Variants in UMAD1 observed in about 807,000 individuals in gnomAD.
The protein encoded by UMAD1 is UBAP1-MVB12-associated (UMA)-domain containing protein 1.
In UMAD1, 8 loss-of-function variants were observed where a neutral mutation model predicts 6.1. The observed-to-expected ratio is 1.30, with a 90% CI of 0.76 to 2.35. The LOEUF is 2.35. UMAD1 is among the 30% of genes most tolerant of loss of function. The pLI is 0.00. For synonymous variants in UMAD1, 56 were observed against 31.4 expected, an observed-to-expected ratio of 1.78 and a Z score of -2.61; for missense variants, 130 against 78.4, an observed-to-expected ratio of 1.66 and a Z score of -2.49.
Position 7,827,137 on chromosome 7 carries a change from A to ATGTGTGTGTG in UMAD1, c.156+25395_156+25396insGTGTGTGTGT, listed in dbSNP as rs374866603. Among the ~76,000 whole-genome samples, 860 of 129,498 alleles carry ATGTGTGTGTG rather than the reference A, an allele frequency of 6.6e-3. 11 individuals are homozygous for ATGTGTGTGTG. The highest frequency in any genetic ancestry group is 0.018 in the African/African-American group (606 of 33,524). The allele number at this position is 129,498 out of a possible 152,430, so 85.0% of individuals were successfully genotyped here. On this transcript the variant is annotated intron_variant, in intron 3 of 3. Transcript: ENST00000682710. ...CACAGTCCAGGATATATATATATAT[A>ATGTGTGTGTG]TATATATATATGTGTGTGTGTGTGT...
chr7:7,866,665 G>A (rs1251268983), intron 3 of UMAD1, among the ~76,000 whole-genome samples: 6 of 152,288 alleles, frequency 3.9e-5, no homozygotes, highest in South Asian at 4.1e-4. Context: ...GGTTAACAGC[G>A]GATAGCTTGG....
chr7:7,852,632 G>A (rs1302652624), intron 3 of UMAD1, among the ~76,000 whole-genome samples: 3 of 152,104 alleles, frequency 2.0e-5, no homozygotes, highest in African/African-American at 7.2e-5. Flanking sequence ...AGAGATACAC[G>A]GGGTAAGGTC....
At chr7:7,642,343 G>A (rs1784993888) in intron 1 of UMAD1, among the ~76,000 whole-genome samples, 1 of 151,050 alleles carries the variant, frequency 6.6e-6, no homozygotes, top group African/African-American at 2.4e-5. Flanking sequence ...TTGTTCAGAT[G>A]GGGCCTCGCC....
intron 1 of UMAD1, among the ~76,000 whole-genome samples, chr7:7,663,548 A>G (rs1785530196): frequency 6.6e-6 from 1 of 152,204 alleles, no homozygotes; most frequent in Non-Finnish European, 1.5e-5. Flanking sequence ...ACTAATTAGT[A>G]GTCTAACTGA....
chr7:7,751,888 G>T (rs372334118), intron 2 of UMAD1, among the ~76,000 whole-genome samples: 2 of 152,056 alleles, frequency 1.3e-5, no homozygotes, highest in Non-Finnish European at 2.9e-5. Flanking sequence ...CTACTCTGAC[G>T]GTCCTTCTAT....
intron 3 of UMAD1, among the ~76,000 whole-genome samples, chr7:7,824,802 A>T (rs925356341): frequency 6.6e-4 from 100 of 152,144 alleles, no homozygotes; most frequent in Admixed American, 5.2e-3. Flanking sequence ...GGTAAATTTC[A>T]TCCTGTTAAA....
At chr7:7,849,641 G>T (rs1050875814) in intron 3 of UMAD1, among the ~76,000 whole-genome samples, 3 of 152,128 alleles carry the variant, frequency 2.0e-5, no homozygotes, top group Non-Finnish European at 4.4e-5. Flanking sequence ...ACATACAACA[G>T]AGTGGACAGG....
At chr7:7,741,741 A>G (rs1781472786) in intron 2 of UMAD1, among the ~76,000 whole-genome samples, 1 of 151,958 alleles carries the variant, frequency 6.6e-6, no homozygotes, top group African/African-American at 2.4e-5. Context: ...GCTAAAAACA[A>G]CTGTAGACTT....
chr7:7,681,935 T>C (rs1779922760), intron 2 of UMAD1, among the ~76,000 whole-genome samples: 1 of 152,126 alleles, frequency 6.6e-6, no homozygotes, highest in Non-Finnish European at 1.5e-5. Flanking sequence ...TATTATGTTA[T>C]AGCAAAAAGA....
At chr7:7,699,046 GT>G (rs1327860429) in intron 2 of UMAD1, among the ~76,000 whole-genome samples, 18 of 123,124 alleles carry the variant, frequency 1.5e-4, no homozygotes, top group African/African-American at 5.3e-4. Context: ...GTGTGTGTGT[GT>G]GTGGGGGGGG....
At chr7:7,648,781 A>T (rs2115547968) in intron 1 of UMAD1, among the ~76,000 whole-genome samples, 1 of 151,996 alleles carries the variant, frequency 6.6e-6, no homozygotes, top group African/African-American at 2.4e-5. Context: ...TGAGTTCAGG[A>T]GGTGGAGGTT....
At chr7:7,739,814 C>G (rs1022886077) in intron 2 of UMAD1, among the ~76,000 whole-genome samples, 3 of 152,162 alleles carry the variant, frequency 2.0e-5, no homozygotes, top group Non-Finnish European at 4.4e-5. Context: ...GAAGAAATGG[C>G]TCAGCTGGCT....
intron 3 of UMAD1, among the ~76,000 whole-genome samples, chr7:7,841,439 G>T (rs929419620): frequency 6.6e-6 from 1 of 151,724 alleles, no homozygotes; most frequent in Admixed American, 6.6e-5. Flanking sequence ...AGTACACTGG[G>T]ACCACAGGCA....
chr7:7,771,008 T>C (rs1279309776), intron 2 of UMAD1, among the ~76,000 whole-genome samples: 1 of 151,934 alleles, frequency 6.6e-6, no homozygotes, highest in Non-Finnish European at 1.5e-5. Context: ...AGAGCAACCC[T>C]AGAGAGTAAC....
intron 3 of UMAD1, among the ~76,000 whole-genome samples, chr7:7,827,123 A>ATG (rs1491521665): frequency 3.1e-5 from 3 of 97,076 alleles, no homozygotes; most frequent in Non-Finnish European, 7.1e-5. Context: ...ACAGTCCAGG[A>ATG]TATATATATA....
intron 3 of UMAD1, among the ~76,000 whole-genome samples, chr7:7,856,846 G>A (rs75688136): frequency 6.6e-6 from 1 of 152,086 alleles, no homozygotes; most frequent in Non-Finnish European, 1.5e-5. Context: ...ATTAACTTTT[G>A]GGTATAAAAG....
At chr7:7,808,315 G>T (rs1782957643) in intron 3 of UMAD1, among the ~76,000 whole-genome samples, 2 of 151,950 alleles carry the variant, frequency 1.3e-5, no homozygotes, top group African/African-American at 4.8e-5. Context: ...ACAGCTCAGG[G>T]AGATAAACCT....
intron 2 of UMAD1, among the ~76,000 whole-genome samples, chr7:7,720,018 G>A (rs571861480): frequency 4.7e-4 from 71 of 152,268 alleles, no homozygotes; most frequent in African/African-American, 1.7e-3. Flanking sequence ...TCTTCTTCCA[G>A]TGTACCTCAG....
At chr7:7,666,488 G>C (rs1002329145) in intron 1 of UMAD1, among the ~76,000 whole-genome samples, 1 of 152,042 alleles carries the variant, frequency 6.6e-6, no homozygotes, top group African/African-American at 2.4e-5. Flanking sequence ...AATTACAGAT[G>C]TGAGCCCCTG....
Sources: gnomAD v4.1 joint callset for allele counts (sites outside exome capture counted in the v4.1 genomes callset) on GRCh38, gnomAD v4.1.1 for gene constraint, MANE v1.5 for transcripts, NCBI Gene and HGNC (gene_info 2026-07-23, HGNC 2026-07-21) for gene names.